PRKCB: variants seen among roughly 807,000 people sequenced by gnomAD.
PRKCB encodes the protein protein kinase C beta type.
PRKCB carries 13 observed loss-of-function variants against 81.5 expected under a neutral mutation model. The observed-to-expected ratio is 0.16, with a 90% CI of 0.10 to 0.25. PRKCB has a LOEUF of 0.25. PRKCB is among the 10% of genes least tolerant of loss of function. The pLI is 1.00. For synonymous variants in PRKCB, 335 were observed against 321.4 expected (o/e 1.04, Z -0.45); for missense variants, 509 against 875.7 (o/e 0.58, Z 5.29).
chr16:23,885,155 T>C (rs1963180638), intron 2 of PRKCB, among the ~76,000 whole-genome samples: 1 of 152,212 alleles, frequency 6.6e-6, no homozygotes, highest in Admixed American at 6.5e-5. Flanking sequence ...ACTAACTCTA[T>C]GATTTAACCT....
At chr16:23,992,377 C>A in intron 3 of PRKCB, among the ~76,000 whole-genome samples, 1 of 151,986 alleles carries the variant, frequency 6.6e-6, no homozygotes. Context: ...TGCTAATTAC[C>A]CTATTTCTAG....
In PRKCB at chr16:24,217,122, G is replaced by C; in HGVS notation, c.*2306G>C. The C allele has an allele frequency of 1.0e-6, 1 of 981,848 alleles. No individual in the cohort carries two copies. The highest frequency in any genetic ancestry group is 1.2e-6 in the Non-Finnish European group (1 of 827,398). The allele number at this position is 981,848 out of a possible 1,614,324, so 60.8% of individuals were successfully genotyped here. Reference sequence around the variant, plus strand: ...GAAAGAAAGAAGAAAAAGAAAGAAGGAAAGAAAGAAAGAGAAAGGAAGGAA... The same window carrying C: ...GAAAGAAAGAAGAAAAAGAAAGAAGCAAAGAAAGAAAGAGAAAGGAAGGAA... On this transcript the variant is annotated 3_prime_UTR_variant, in exon 17 of 17. Transcript: ENST00000643927.
At chr16:24,004,727 T>C (rs1159903511) in intron 3 of PRKCB, among the ~76,000 whole-genome samples, 1 of 152,036 alleles carries the variant, frequency 6.6e-6, no homozygotes, top group Admixed American at 6.6e-5. Context: ...TACTGGTGAG[T>C]GGCAAATTAG....
intron 16 of PRKCB, among the ~76,000 whole-genome samples, chr16:24,206,232 T>C (rs992651922): frequency 2.0e-5 from 3 of 152,360 alleles, no homozygotes; most frequent in African/African-American, 7.2e-5. Context: ...CAAATATGTA[T>C]GCAGCTTTGA....
intron 2 of PRKCB, among the ~76,000 whole-genome samples, chr16:23,874,459 A>G (rs1962961531): frequency 1.3e-5 from 2 of 152,334 alleles, no homozygotes; most frequent in South Asian, 4.1e-4. Context: ...AATGCCTGTA[A>G]ATGAAACCTT....
At chr16:24,121,559 T>C (rs1332770766) in intron 8 of PRKCB, among the ~76,000 whole-genome samples, 1 of 152,134 alleles carries the variant, frequency 6.6e-6, no homozygotes, top group East Asian at 1.9e-4. Context: ...AACTTTTTTT[T>C]TGAGATAGGG....
At chr16:24,085,613 C>A (rs1966302632) in intron 5 of PRKCB, among the ~76,000 whole-genome samples, 1 of 152,080 alleles carries the variant, frequency 6.6e-6, no homozygotes, top group Non-Finnish European at 1.5e-5. Flanking sequence ...ATGGTCACCC[C>A]CACTATTATC....
At chr16:23,987,402 G>A (rs554547211) in intron 2 of PRKCB, among the ~76,000 whole-genome samples, 1 of 73,048 alleles carries the variant, frequency 1.4e-5, no homozygotes, top group Non-Finnish European at 3.4e-5. Flanking sequence ...TGGTTGGGGT[G>A]GGGGGGGGTG....
chr16:23,951,676 C>T lies in PRKCB; in HGVS notation c.206-36832C>T, dbSNP rs533762257. On this transcript the variant is annotated intron_variant, in intron 2 of 16. Coordinates refer to ENST00000643927, the MANE Select transcript of PRKCB (RefSeq NM_002738.7). ...CAACTCATCCTCCCAACTTAGCCTC[C>T]CAAGGTGCTGAGATTACAGGCATGA... Among the ~76,000 whole-genome samples, 11 of 151,456 alleles carry T rather than the reference C, an allele frequency of 7.3e-5. No individual in the cohort carries two copies. The South Asian group carries it at 2.1e-3, about 29-fold the overall frequency.
chr16:24,086,028 C>T (rs1010284213), intron 5 of PRKCB, among the ~76,000 whole-genome samples: 2 of 152,078 alleles, frequency 1.3e-5, no homozygotes, highest in African/African-American at 4.8e-5. Context: ...GCCCAAAGAC[C>T]CCACGTTTGC....
chr16:24,187,442 TA>T (rs1253282789), intron 15 of PRKCB, among the ~76,000 whole-genome samples: 1 of 152,156 alleles, frequency 6.6e-6, no homozygotes, highest in Middle Eastern at 3.2e-3. Flanking sequence ...CTGAATACTG[TA>T]AATCACTTAG....
chr16:24,010,996 C>T (rs955965501), intron 3 of PRKCB, among the ~76,000 whole-genome samples: 3 of 152,116 alleles, frequency 2.0e-5, no homozygotes, highest in African/African-American at 7.2e-5. Flanking sequence ...TCCCAAGTAG[C>T]TGGGGCTACA....
In PRKCB at chr16:23,836,262, G is replaced by A. The variant is rs146177740; in HGVS notation, c.87G>A (p.Lys29=). The change falls in exon 1 of 17, where the codon AAG becomes AAA. Residue 29 remains lysine (K), a synonymous_variant. Coordinates refer to ENST00000643927, the MANE Select transcript of PRKCB (RefSeq NM_002738.7). ...RFARKGALRQ[K]NVHEVKNHKF... ...CCCGCAAAGGCGCCCTCCGGCAGAA[G>A]AACGTGCATGAGGTCAAGAACCACA... 10,894 of 1,603,234 alleles carry A rather than the reference G, an allele frequency of 6.8e-3. 56 individuals carry two copies. The highest frequency in any genetic ancestry group is 8.4e-3 in the Non-Finnish European group (9,902 of 1,175,196).
intron 2 of PRKCB, among the ~76,000 whole-genome samples, chr16:23,933,921 T>A (rs58369028): frequency 0.03 from 55 of 1,838 alleles, 2 homozygotes; most frequent in African/African-American, 0.048. Context: ...CCATCCATCC[T>A]TCCATTCATC....
At chr16:23,916,908 C>T (rs1279954292) in intron 2 of PRKCB, among the ~76,000 whole-genome samples, 2 of 148,200 alleles carry the variant, frequency 1.3e-5, no homozygotes, top group Non-Finnish European at 3.0e-5. Flanking sequence ...TACAGGCACA[C>T]ACCACCATGA....
intron 2 of PRKCB, among the ~76,000 whole-genome samples, chr16:23,974,080 G>C (rs1964593842): frequency 6.6e-6 from 1 of 152,154 alleles, no homozygotes; most frequent in Non-Finnish European, 1.5e-5. Context: ...TCAGGGCAGG[G>C]GGCTGGTTTT....
chr16:24,151,958 C>T, intron 9 of PRKCB: 1 of 452,626 alleles, frequency 2.2e-6, no homozygotes, highest in South Asian at 1.6e-5. Context: ...CTAAGATGTC[C>T]TATCATGACT....
chr16:23,964,858 T>A (rs1964467615), intron 2 of PRKCB, among the ~76,000 whole-genome samples: 1 of 152,014 alleles, frequency 6.6e-6, no homozygotes, highest in South Asian at 2.1e-4. Context: ...TTAGTAGAGA[T>A]AGGGTTTCAT....
chr16:23,863,253 C>T (rs866411843), intron 2 of PRKCB, among the ~76,000 whole-genome samples: 5 of 61,290 alleles, frequency 8.2e-5, no homozygotes, highest in Admixed American at 5.7e-4. Flanking sequence ...TATATATACA[C>T]ATACACACAC....
Sources: gnomAD v4.1 joint callset for allele counts (sites outside exome capture counted in the v4.1 genomes callset) on GRCh38, gnomAD v4.1.1 for gene constraint, MANE v1.5 for transcripts, NCBI Gene and HGNC (gene_info 2026-07-23, HGNC 2026-07-21) for gene names.